The following CDKL1 variants were observed in gnomAD, a reference collection of about 807,000 sequenced individuals.
CDKL1 encodes cyclin-dependent kinase-like 1.
A neutral mutation model predicts 42.0 loss-of-function variants in CDKL1; 41 were observed. The ratio of observed to expected loss-of-function variants is 0.98; its 90% CI spans 0.76 to 1.27. CDKL1 has a LOEUF of 1.27. Among genes scored for constraint, CDKL1 ranks in the 50% most tolerant of loss-of-function variants. CDKL1 has a pLI of 0.00. For synonymous variants in CDKL1, 153 were observed against 158.6 expected (o/e 0.96, Z 0.26); for missense variants, 394 against 428.4 (o/e 0.92, Z 0.71).
At chr14:50,332,956 T>C (rs1360117403) in intron 8 of CDKL1, 8 of 314,222 alleles carry the variant, frequency 2.5e-5, no homozygotes, top group Non-Finnish European at 4.6e-5. Flanking sequence ...TGATGCATTA[T>C]AAGTATATAT....
At chr14:50,395,572 C>T in intron 2 of CDKL1, 129 bp downstream of exon 2, 1 of 641,878 alleles carries the variant, frequency 1.6e-6, no homozygotes. Flanking sequence ...GAGGCTGAGG[C>T]AGAAGCATGG....
At chr14:50,369,124 C>G (rs1392633456) in intron 2 of CDKL1, among the ~76,000 whole-genome samples, 3 of 152,120 alleles carry the variant, frequency 2.0e-5, no homozygotes, top group Non-Finnish European at 2.9e-5. Flanking sequence ...ACCTCGGCCT[C>G]CCAAAGTGCT....
intron 6 of CDKL1, 136 bp from the exon 7 acceptor site, chr14:50,339,165 G>T (rs1287643301): frequency 1.2e-5 from 8 of 657,880 alleles, no homozygotes; most frequent in African/African-American, 3.6e-5. Context: ...AGAAGGAGAG[G>T]CATTCAGGCA....
chr14:50,331,705 T>C (rs2032951271), intron 9 of CDKL1: 1 of 294,568 alleles, frequency 3.4e-6, no homozygotes, highest in Non-Finnish European at 6.3e-6. Flanking sequence ...ATGCTTAATG[T>C]AAGGCCATTT....
intron 7 of CDKL1, among the ~76,000 whole-genome samples, chr14:50,337,696 T>TC (rs1226205873): frequency 6.7e-6 from 1 of 148,534 alleles, no homozygotes; most frequent in Non-Finnish European, 1.5e-5. Context: ...TTTTTTTTTT[T>TC]GGTTCGGAGA....
At chr14:50,337,948 G>A (rs1411304894) in intron 7 of CDKL1, among the ~76,000 whole-genome samples, 2 of 152,030 alleles carry the variant, frequency 1.3e-5, no homozygotes, top group Admixed American at 6.6e-5. Context: ...TGGGATTACA[G>A]GCATGAGCAC....
chr14:50,381,772 T>C (rs2034915841), intron 2 of CDKL1, among the ~76,000 whole-genome samples: 1 of 151,928 alleles, frequency 6.6e-6, no homozygotes, highest in Admixed American at 6.6e-5. Flanking sequence ...GTTTGTTTGT[T>C]TGTTTGTTTG....
chr14:50,378,367 A>T, intron 2 of CDKL1: 1 of 1,366,352 alleles, frequency 7.3e-7, no homozygotes. Context: ...GAATGACAAG[A>T]CCTGCCTCAT....
In CDKL1 at chr14:50,362,827, G is replaced by T. The variant is rs138817331; in HGVS notation, c.169-3678C>A. 2.4e-3 allele frequency: 725 copies of T among 302,098 alleles called. 5 individuals carry two copies. Among genetic ancestry groups the T allele is most frequent in the African/African-American group, 0.014 (665 of 46,734 alleles). The allele number at this position is 302,098 out of a possible 1,614,324, so 18.7% of individuals were successfully genotyped here. A position where few individuals can be genotyped will look rare whatever the true frequency, so the allele number is the denominator to read the frequency against. ...CTCTGTAAAATGGACCAATCAGCAG[G>T]ATGTGGGTAGGGCCAGATAAGAGAA... On this transcript the variant is annotated intron_variant, in intron 2 of 9. Coordinates refer to ENST00000395834, the MANE Select transcript of CDKL1 (RefSeq NM_004196.7).
chr14:50,342,305 A>G, intron 4 of CDKL1, 83 bp from the exon 5 acceptor site: 5 of 1,500,944 alleles, frequency 3.3e-6, no homozygotes, highest in East Asian at 2.3e-5. Context: ...TTTAGCAAAT[A>G]TTGGATAAAT....
intron 2 of CDKL1, chr14:50,362,208 C>A (rs1199749374): frequency 6.9e-6 from 2 of 290,110 alleles, no homozygotes; most frequent in Non-Finnish European, 1.4e-5. Context: ...CGCGGCCGAG[C>A]CTCCACGATC....
At chr14:50,366,294 G>A (rs929738573) in intron 2 of CDKL1, among the ~76,000 whole-genome samples, 1 of 152,228 alleles carries the variant, frequency 6.6e-6, no homozygotes, top group Non-Finnish European at 1.5e-5. Context: ...GAGGGTAAAG[G>A]TCTGACCAAA....
intron 2 of CDKL1, among the ~76,000 whole-genome samples, chr14:50,364,775 C>T (rs2034392022): frequency 6.6e-6 from 1 of 152,096 alleles, no homozygotes; most frequent in Non-Finnish European, 1.5e-5. Context: ...ATATTGTTAC[C>T]TTTGGGTTAA....
At chr14:50,384,302 A>G (rs973513781) in intron 2 of CDKL1, among the ~76,000 whole-genome samples, 3 of 152,254 alleles carry the variant, frequency 2.0e-5, no homozygotes, top group Admixed American at 2.0e-4. Flanking sequence ...TATGGCAAAC[A>G]TTATCTGCAG....
At chr14:50,336,649 G>A (rs1484577655) in intron 7 of CDKL1, among the ~76,000 whole-genome samples, 1 of 152,184 alleles carries the variant, frequency 6.6e-6, no homozygotes, top group East Asian at 1.9e-4. Context: ...GAAACTGGAG[G>A]GTTAGTTTCA....
chr14:50,384,979 G>C (rs1377052786), intron 2 of CDKL1, among the ~76,000 whole-genome samples: 1 of 148,412 alleles, frequency 6.7e-6, no homozygotes. Context: ...ACTGACGCAG[G>C]AGAATTGCTT....
chr14:50,364,498 A>G (rs572934024), intron 2 of CDKL1, among the ~76,000 whole-genome samples: 21 of 152,352 alleles, frequency 1.4e-4, no homozygotes, highest in African/African-American at 3.8e-4. Context: ...ATTTTAAAAA[A>G]GGAAACAAAA....
At chr14:50,334,343 G>A (rs1284292935) in intron 8 of CDKL1, 2 of 418,150 alleles carry the variant, frequency 4.8e-6, no homozygotes, top group East Asian at 3.8e-5. Flanking sequence ...TAGTAGAGAC[G>A]GTTTCACCAT....
intron 3 of CDKL1, among the ~76,000 whole-genome samples, chr14:50,354,321 A>G (rs1030558864): frequency 1.3e-5 from 2 of 152,232 alleles, no homozygotes; most frequent in Non-Finnish European, 2.9e-5. Context: ...TAATCTAAAA[A>G]AGAGAGAGAA....
Sources: gnomAD v4.1 joint callset for allele counts (sites outside exome capture counted in the v4.1 genomes callset) on GRCh38, gnomAD v4.1.1 for gene constraint, MANE v1.5 for transcripts, NCBI Gene and HGNC (gene_info 2026-07-23, HGNC 2026-07-21) for gene names.